The following BTBD9 variants were observed in gnomAD, a reference collection of about 807,000 sequenced individuals.
BTBD9 encodes BTB/POZ domain-containing protein 9.
In BTBD9, 49 loss-of-function variants were observed where a neutral mutation model predicts 64.3. That is an observed-to-expected ratio of 0.76 (90% CI 0.61 to 0.97). The LOEUF (loss-of-function observed/expected upper bound fraction) is 0.97. Ranked by LOEUF, BTBD9 falls within the 50% of genes least tolerant of loss-of-function variation. The probability of loss-of-function intolerance (pLI) is 0.00; values close to 1 mark genes in which losing one functional copy is unlikely to be tolerated. For synonymous variants in BTBD9, 260 were observed against 274.7 expected, an observed-to-expected ratio of 0.95 and a Z score of 0.53; for missense variants, 598 against 762.1, an observed-to-expected ratio of 0.78 and a Z score of 2.53.
At chr6:38,638,852 T>A (rs1273025162) in intron 1 of BTBD9, among the ~76,000 whole-genome samples, 1 of 152,212 alleles carries the variant, frequency 6.6e-6, no homozygotes, top group Non-Finnish European at 1.5e-5. Flanking sequence ...CTCCCAAGTA[T>A]GGTAACCACA....
intron 7 of BTBD9, among the ~76,000 whole-genome samples, chr6:38,294,157 G>T (rs1762074556): frequency 6.6e-6 from 1 of 152,168 alleles, no homozygotes; most frequent in Non-Finnish European, 1.5e-5. Context: ...ATCATTAAAA[G>T]TCAGGAAACA....
At chr6:38,499,384 C>T (rs1772096254) in intron 6 of BTBD9, among the ~76,000 whole-genome samples, 1 of 152,088 alleles carries the variant, frequency 6.6e-6, no homozygotes, top group Non-Finnish European at 1.5e-5. Context: ...TCCAGCTACT[C>T]CTAATAATAG....
chr6:38,390,094 C>T (rs1026941847), intron 6 of BTBD9, among the ~76,000 whole-genome samples: 1 of 152,170 alleles, frequency 6.6e-6, no homozygotes, highest in African/African-American at 2.4e-5. Flanking sequence ...TCTGCTGGTG[C>T]CGTCACATAT....
Position 38,170,251 on chromosome 6 carries a change from C to G in BTBD9, c.*4734G>C, listed in dbSNP as rs865836567. On this transcript the variant is annotated 3_prime_UTR_variant, in exon 11 of 11. Coordinates refer to ENST00000481247, the MANE Select transcript of BTBD9 (RefSeq NM_001099272.2). ...GGGCGGCTCTTCCATGCACCTGTCC[C>G]CTGCCTCTGCATGAGCCCAGCAGAA... 2.6e-5 allele frequency: 4 copies of G among 152,484 alleles called. No homozygotes were observed. The highest frequency in any genetic ancestry group is 6.5e-5 in the Admixed American group (1 of 15,296). 9.4% of individuals were successfully genotyped at this position (152,484 alleles called of 1,614,324 possible).
chr6:38,213,240 G>C (rs866832288), intron 9 of BTBD9, among the ~76,000 whole-genome samples: 2 of 151,972 alleles, frequency 1.3e-5, no homozygotes, highest in Admixed American at 6.5e-5. Flanking sequence ...AGCCAAATTC[G>C]TTCAGCACCT....
chr6:38,284,414 T>A (rs941956915), intron 8 of BTBD9, among the ~76,000 whole-genome samples: 1 of 152,178 alleles, frequency 6.6e-6, no homozygotes, highest in Non-Finnish European at 1.5e-5. Context: ...AGATTCAACA[T>A]CTCTGATTCT....
At chr6:38,186,106 C>T (rs1761806896) in intron 10 of BTBD9, among the ~76,000 whole-genome samples, 1 of 152,202 alleles carries the variant, frequency 6.6e-6, no homozygotes, top group Non-Finnish European at 1.5e-5. Flanking sequence ...TAGGACAAAA[C>T]ACCAAACTCT....
intron 10 of BTBD9, among the ~76,000 whole-genome samples, chr6:38,188,272 A>C (rs971453466): frequency 6.6e-6 from 1 of 152,232 alleles, no homozygotes; most frequent in Non-Finnish European, 1.5e-5. Context: ...AGGTCTCTCT[A>C]AACAGCCAGC....
At chr6:38,430,951 T>C (rs1406228032) in intron 6 of BTBD9, among the ~76,000 whole-genome samples, 3 of 152,014 alleles carry the variant, frequency 2.0e-5, no homozygotes, top group Non-Finnish European at 4.4e-5. Context: ...TGTCTTTTAA[T>C]GCTTTCTATA....
chr6:38,385,719 T>C (rs796881296), intron 6 of BTBD9, among the ~76,000 whole-genome samples: 18 of 152,206 alleles, frequency 1.2e-4, no homozygotes, highest in African/African-American at 4.3e-4. Context: ...AAGAACATTA[T>C]ATGTTTTTTG....
intron 6 of BTBD9, among the ~76,000 whole-genome samples, chr6:38,466,310 T>TTC (rs1491329912): frequency 1.2e-5 from 1 of 85,070 alleles, no homozygotes; most frequent in Non-Finnish European, 2.4e-5. Flanking sequence ...TTTTTTTTTT[T>TTC]AGATGGAGTT....
intron 9 of BTBD9, among the ~76,000 whole-genome samples, chr6:38,253,084 A>C (rs909651848): frequency 6.6e-6 from 1 of 152,146 alleles, no homozygotes; most frequent in Non-Finnish European, 1.5e-5. Flanking sequence ...ACTGCACTCC[A>C]GCCTGAGCGA....
chr6:38,397,785 A>C (rs143154569), intron 6 of BTBD9, among the ~76,000 whole-genome samples: 4 of 152,356 alleles, frequency 2.6e-5, no homozygotes, highest in African/African-American at 7.2e-5. Flanking sequence ...GCAGAATCAC[A>C]AGACAGTGAT....
chr6:38,199,610 AT>A (rs1405628183), intron 9 of BTBD9, among the ~76,000 whole-genome samples: 1 of 152,200 alleles, frequency 6.6e-6, no homozygotes, highest in Non-Finnish European at 1.5e-5. Flanking sequence ...GGAGGAACAC[AT>A]TGCTTTAGTT....
At chr6:38,193,720 C>A in intron 9 of BTBD9, 1 of 726,906 alleles carries the variant, frequency 1.4e-6, no homozygotes, top group Non-Finnish European at 1.7e-6. Context: ...CCTCCGCTCT[C>A]ACAGTGGAAA....
rs1409913120 is a variant in BTBD9 at position 38,171,968 on chromosome 6, A to G, written c.*3017T>C. 2 of 150,992 alleles carry G rather than the reference A, an allele frequency of 1.3e-5. No individual in the cohort carries two copies. The highest frequency in any genetic ancestry group is 2.9e-5 in the Non-Finnish European group (2 of 67,918). 9.4% of individuals were successfully genotyped at this position (150,992 alleles called of 1,614,324 possible). Reference sequence around the variant, plus strand: ...CCATTTCTTTGCCTGGGTGGTGGTGACCATGGCGCCCTTGTGTCCTTTCCA... The same window carrying G: ...CCATTTCTTTGCCTGGGTGGTGGTGGCCATGGCGCCCTTGTGTCCTTTCCA... On this transcript the variant is annotated 3_prime_UTR_variant, in exon 11 of 11. Transcript: ENST00000481247.
At chr6:38,182,199 A>G (rs571753261) in intron 10 of BTBD9, among the ~76,000 whole-genome samples, 1 of 152,282 alleles carries the variant, frequency 6.6e-6, no homozygotes, top group African/African-American at 2.4e-5. Context: ...TCATTTTCTC[A>G]TATTCACATA....
chr6:38,546,497 CTG>C (rs1332597419), intron 6 of BTBD9, among the ~76,000 whole-genome samples: 9 of 152,082 alleles, frequency 5.9e-5, no homozygotes, highest in Non-Finnish European at 1.0e-4. Flanking sequence ...ACTGCAGATA[CTG>C]TGTTTTTCAA....
intron 6 of BTBD9, among the ~76,000 whole-genome samples, chr6:38,557,252 A>T: frequency 6.6e-6 from 1 of 152,038 alleles, no homozygotes; most frequent in Non-Finnish European, 1.5e-5. Context: ...AGGCTGAGGC[A>T]GGAGAATCAC....
Sources: allele counts gnomAD v4.1 joint callset (sites outside exome capture counted in the v4.1 genomes callset), GRCh38; gene constraint gnomAD v4.1.1; transcripts MANE v1.5; gene names NCBI Gene and HGNC (gene_info 2026-07-23, HGNC 2026-07-21).